KCNK1: variants seen among roughly 807,000 people sequenced by gnomAD.
The protein encoded by KCNK1 is potassium two pore domain channel subfamily K member 1, also known as potassium channel subfamily K member 1.
KCNK1 carries 10 observed loss-of-function variants against 22.2 expected under a neutral mutation model. The observed-to-expected ratio is 0.45, with a 90% confidence interval of 0.28 to 0.76. The LOEUF (loss-of-function observed/expected upper bound fraction) is 0.76, where lower values mean the gene tolerates loss of function less well. Among genes scored for constraint, KCNK1 ranks in the 30% least tolerant of loss-of-function variants. KCNK1 has a pLI of 0.14. For synonymous variants in KCNK1, 200 were observed against 186.4 expected (o/e 1.07, Z -0.60); for missense variants, 378 against 421.0 (o/e 0.90, Z 0.89).
intron 2 of KCNK1, among the ~76,000 whole-genome samples, chr1:233,667,904 G>C (rs1658528481): frequency 6.6e-6 from 1 of 152,092 alleles, no homozygotes; most frequent in African/African-American, 2.4e-5. Flanking sequence ...TCTTAAAAGA[G>C]CTGCTTACCT....
intron 1 of KCNK1, chr1:233,650,169 A>C: frequency 2.5e-6 from 1 of 396,232 alleles, no homozygotes; most frequent in Admixed American, 3.1e-5. Context: ...ACTGATAAGA[A>C]TGTGATCTTG....
chr1:233,621,141 G>A (rs1029546128), intron 1 of KCNK1, among the ~76,000 whole-genome samples: 14 of 152,136 alleles, frequency 9.2e-5, no homozygotes, highest in African/African-American at 3.4e-4. Flanking sequence ...TTCTTATGTC[G>A]AAGTTCTACC....
intron 1 of KCNK1, among the ~76,000 whole-genome samples, chr1:233,628,985 G>A (rs1427666713): frequency 6.6e-6 from 1 of 152,058 alleles, no homozygotes; most frequent in African/African-American, 2.4e-5. Context: ...CTAGATTTCG[G>A]TTGCTTCAGC....
chr1:233,671,655 T>TTTTTAGTAGAGAC lies in KCNK1; in HGVS notation c.*125_*126insTTTTAGTAGAGAC. 9.1e-7 allele frequency: 1 copy of TTTTTAGTAGAGAC among 1,103,256 alleles called. No homozygotes were observed. The allele number at this position is 1,103,256 out of a possible 1,614,324, so 68.3% of individuals were successfully genotyped here. ...GTCACTTTAAGAAATAGCTACTGTTTGCAATGTCTTATTAAAAAACAACAA... is the reference window on the plus strand; with the variant it reads ...GTCACTTTAAGAAATAGCTACTGTTTTTTTAGTAGAGACGCAATGTCTTATTAAAAAACAACAA... On this transcript the variant is annotated 3_prime_UTR_variant, in exon 3 of 3. Coordinates refer to ENST00000366621, the MANE Select transcript of KCNK1 (RefSeq NM_002245.4).
intron 1 of KCNK1, among the ~76,000 whole-genome samples, chr1:233,621,411 T>C (rs1260472040): frequency 1.3e-5 from 2 of 152,226 alleles, no homozygotes; most frequent in African/African-American, 2.4e-5. Context: ...TGATAGTTTT[T>C]ATTTAGTTGC....
intron 1 of KCNK1, among the ~76,000 whole-genome samples, chr1:233,638,938 C>CA (rs1225228116): frequency 1.3e-5 from 2 of 152,032 alleles, no homozygotes; most frequent in South Asian, 2.1e-4. Context: ...TAAATGTCCA[C>CA]AAAAAAATAA....
In KCNK1 at chr1:233,671,532, C is replaced by A. The variant is rs769008300; in HGVS notation, c.*2C>A. 6.2e-7 allele frequency: 1 copy of A among 1,613,740 alleles called. No individual in the cohort carries two copies. Among genetic ancestry groups the A allele is most frequent in the Admixed American group, 1.7e-5 (1 of 60,016 alleles). ...GTGGATGGCCCTGCAAACCATTGAG[C>A]GTAGGATTTGTTGCATTATGCTAGA... On this transcript the variant is annotated 3_prime_UTR_variant, in exon 3 of 3. Coordinates refer to ENST00000366621, the MANE Select transcript of KCNK1 (RefSeq NM_002245.4).
intron 1 of KCNK1, chr1:233,631,258 C>T (rs1438506889): frequency 1.5e-5 from 8 of 530,746 alleles, no homozygotes; most frequent in Non-Finnish European, 3.1e-5. Context: ...CCACCAGGTG[C>T]GGGTTTCTGA....
rs111797376 is a variant in KCNK1, at chr1:233,654,014, G to A, written c.356-12581G>A. 5.7e-3 allele frequency among the ~76,000 whole-genome samples: 860 copies of A among 152,190 alleles called. 6 individuals are homozygous for A. The highest frequency in any genetic ancestry group is 0.019 in the African/African-American group (788 of 41,518). On this transcript the variant is annotated intron_variant, in intron 1 of 2. Transcript: ENST00000366621. ...CATTGCTGTGAATTGACCTTTAAAG[G>A]TGATTCTGGTGAAGGCTCAGAAAGA...
intron 1 of KCNK1, among the ~76,000 whole-genome samples, chr1:233,626,250 T>C (rs964445581): frequency 2.6e-5 from 4 of 151,426 alleles, no homozygotes; most frequent in African/African-American, 9.7e-5. Context: ...GAAAGAAGAG[T>C]GAAGAATGAC....
intron 1 of KCNK1, 22 bp downstream of exon 1, chr1:233,614,548 C>T (rs1558105350): frequency 3.9e-6 from 6 of 1,525,652 alleles, no homozygotes; most frequent in Non-Finnish European, 4.4e-6. Context: ...TGCGCGCCCC[C>T]TGGCCGCCCC....
chr1:233,667,046 T>C lies in KCNK1; in HGVS notation c.751+56T>C, dbSNP rs1379726612. On this transcript the variant is annotated intron_variant, in intron 2 of 2. Coordinates refer to ENST00000366621, the MANE Select transcript of KCNK1 (RefSeq NM_002245.4). ...CTGTCTCCTTTATTTTATTTATTTA[T>C]TTATTTATTTATTTTGAGCCCAGCT... The C allele has an allele frequency of 8.6e-6, 11 of 1,275,864 alleles. No individual in the cohort carries two copies. The East Asian group carries it at 3.2e-4, about 37-fold the overall frequency. The allele number at this position is 1,275,864 out of a possible 1,614,324, so 79.0% of individuals were successfully genotyped here. A position where few individuals can be genotyped will look rare whatever the true frequency, so the allele number is the denominator to read the frequency against.
intron 1 of KCNK1, among the ~76,000 whole-genome samples, chr1:233,624,820 C>G (rs1339102030): frequency 6.6e-6 from 1 of 152,120 alleles, no homozygotes; most frequent in Admixed American, 6.5e-5. Context: ...GCATTCATTC[C>G]TCTCTGAGTA....
At chr1:233,635,043 A>G (rs933767135) in intron 1 of KCNK1, among the ~76,000 whole-genome samples, 1 of 152,244 alleles carries the variant, frequency 6.6e-6, no homozygotes, top group African/African-American at 2.4e-5. Flanking sequence ...AGTCCAACCT[A>G]TGGACCGCTT....
intron 1 of KCNK1, among the ~76,000 whole-genome samples, chr1:233,643,638 C>G (rs1263749684): frequency 1.3e-5 from 2 of 151,918 alleles, no homozygotes; most frequent in African/African-American, 2.4e-5. Context: ...GGCTGCCCAC[C>G]AGGTCTTAGA....
At chr1:233,651,074 A>G (rs1394320292) in intron 1 of KCNK1, among the ~76,000 whole-genome samples, 2 of 152,208 alleles carry the variant, frequency 1.3e-5, no homozygotes, top group African/African-American at 4.8e-5. Flanking sequence ...CAAGAGCTAT[A>G]TTCATTACTT....
At chr1:233,658,207 A>G (rs980802649) in intron 1 of KCNK1, among the ~76,000 whole-genome samples, 2 of 152,204 alleles carry the variant, frequency 1.3e-5, no homozygotes, top group East Asian at 1.9e-4. Flanking sequence ...AAAAGAAACC[A>G]TACAGAAATG....
At chr1:233,653,216 C>T (rs1571900926) in intron 1 of KCNK1, among the ~76,000 whole-genome samples, 1 of 152,186 alleles carries the variant, frequency 6.6e-6, no homozygotes, top group Non-Finnish European at 1.5e-5. Context: ...CAGTAAAGTT[C>T]CCCCCTTGAT....
At chr1:233,631,520 C>T in intron 1 of KCNK1, 1 of 339,250 alleles carries the variant, frequency 2.9e-6, no homozygotes. Flanking sequence ...CTGAATTTCT[C>T]CCTGCTTGTA....
Sources: allele counts gnomAD v4.1 joint callset (sites outside exome capture counted in the v4.1 genomes callset), GRCh38; gene constraint gnomAD v4.1.1; transcripts MANE v1.5; gene names NCBI Gene and HGNC (gene_info 2026-07-23, HGNC 2026-07-21).